GRIN2A: variants seen among roughly 807,000 people sequenced by gnomAD.
The protein encoded by GRIN2A is glutamate ionotropic receptor NMDA type subunit 2A.
GRIN2A carries 22 observed loss-of-function variants against 113.4 expected under a neutral mutation model. That is an observed-to-expected ratio of 0.19 (90% confidence interval 0.14 to 0.28). The LOEUF (loss-of-function observed/expected upper bound fraction) is 0.28, where lower values mean the gene tolerates loss of function less well. Among genes scored for constraint, GRIN2A ranks in the 10% least tolerant of loss-of-function variants. GRIN2A has a pLI of 1.00. For missense variants in GRIN2A, 1,502 were observed against 1,887.0 expected (o/e 0.80, Z 3.78); for synonymous variants, 827 against 738.4 (o/e 1.12, Z -1.94).
chr16:9,935,428 A>T (rs1244588837), intron 3 of GRIN2A, among the ~76,000 whole-genome samples: 1 of 151,744 alleles, frequency 6.6e-6, no homozygotes, highest in Non-Finnish European at 1.5e-5. Flanking sequence ...AGGACGGAGA[A>T]ATGTCAAAGG....
chr16:9,830,230 T>A (rs2042465615), intron 8 of GRIN2A, among the ~76,000 whole-genome samples: 1 of 152,238 alleles, frequency 6.6e-6, no homozygotes, highest in African/African-American at 2.4e-5. Flanking sequence ...TAGATCTTAA[T>A]TCTTCCAACA....
At chr16:9,901,550 C>A (rs2043924671) in intron 3 of GRIN2A, among the ~76,000 whole-genome samples, 1 of 152,156 alleles carries the variant, frequency 6.6e-6, no homozygotes, top group African/African-American at 2.4e-5. Flanking sequence ...AACTCCACAT[C>A]CCGGGTTCAA....
chr16:9,870,418 T>C (rs1481736398), intron 4 of GRIN2A, among the ~76,000 whole-genome samples: 3 of 152,098 alleles, frequency 2.0e-5, no homozygotes. Flanking sequence ...ATAGACACAC[T>C]GGAAGACACA....
chr16:9,786,429 A>G (rs555044339), intron 11 of GRIN2A, among the ~76,000 whole-genome samples: 1 of 152,254 alleles, frequency 6.6e-6, no homozygotes, highest in South Asian at 2.1e-4. Flanking sequence ...CTCCTTCACC[A>G]TGAACAATGG....
chr16:9,911,413 A>T (rs1266309347), intron 3 of GRIN2A, among the ~76,000 whole-genome samples: 1 of 152,228 alleles, frequency 6.6e-6, no homozygotes, highest in East Asian at 1.9e-4. Flanking sequence ...AGAAAACCTT[A>T]AATTTATATG....
chr16:10,038,610 G>A (rs1414282181), intron 2 of GRIN2A, among the ~76,000 whole-genome samples: 4 of 152,088 alleles, frequency 2.6e-5, no homozygotes, highest in South Asian at 2.1e-4. Context: ...TTGGGAGGCC[G>A]AGGCGGGCAG....
Position 9,763,343 on chromosome 16 carries a change from G to A in GRIN2A, c.4201C>T (p.Leu1401Phe), listed in dbSNP as rs2141125596. The A allele has an allele frequency of 2.5e-6, 4 of 1,614,156 alleles. No individual in the cohort carries two copies. The highest frequency in any genetic ancestry group is 3.4e-6 in the Non-Finnish European group (4 of 1,180,012). ...LPSQAVNDSYLRSSLRSTASY... is the reference protein window; with the variant it reads ...LPSQAVNDSYFRSSLRSTASY... ...GCCGTTGACCTCAAGGACGACCGAA[G>A]ATAGCTGTCATTCACCGCCTGGGAT... The change falls in exon 13 of 13, where the codon CTT (leucine) becomes TTT (phenylalanine). Residue 1401 changes from leucine (L) to phenylalanine (F), a missense_variant. Around this residue, in one of 7 missense-constraint regions of GRIN2A, gnomAD observed 832 missense variants for 789.7 expected, o/e 1.05. Coordinates refer to ENST00000330684, the MANE Select transcript of GRIN2A (RefSeq NM_001134407.3).
chr16:10,146,219 G>C (rs565023102), intron 2 of GRIN2A, among the ~76,000 whole-genome samples: 17 of 152,148 alleles, frequency 1.1e-4, no homozygotes, highest in African/African-American at 2.4e-5. Context: ...CCGGGTTCAA[G>C]CAATTCTCCT....
intron 2 of GRIN2A, among the ~76,000 whole-genome samples, chr16:9,984,269 T>G (rs1357600848): frequency 6.6e-6 from 1 of 152,166 alleles, no homozygotes; most frequent in Admixed American, 6.5e-5. Flanking sequence ...ATTCTGCATA[T>G]TAATCCCTTG....
intron 3 of GRIN2A, among the ~76,000 whole-genome samples, chr16:9,892,644 C>T (rs1214251978): frequency 6.6e-6 from 1 of 152,104 alleles, no homozygotes; most frequent in African/African-American, 2.4e-5. Context: ...AACATTTATA[C>T]CCTCATCACT....
At chr16:9,806,764 A>G (rs1433955328) in intron 10 of GRIN2A, among the ~76,000 whole-genome samples, 1 of 152,052 alleles carries the variant, frequency 6.6e-6, no homozygotes, top group Non-Finnish European at 1.5e-5. Context: ...AAACTAAGAG[A>G]AAAAAGGGGG....
intron 12 of GRIN2A, among the ~76,000 whole-genome samples, chr16:9,765,627 A>G (rs542095568): frequency 7.2e-5 from 11 of 152,286 alleles, no homozygotes; most frequent in Non-Finnish European, 1.3e-4. Flanking sequence ...GTGTGAGCCT[A>G]TCAGTGAAGC....
chr16:9,824,641 G>C (rs1445571465), intron 9 of GRIN2A, among the ~76,000 whole-genome samples: 7 of 152,106 alleles, frequency 4.6e-5, no homozygotes, highest in Admixed American at 2.0e-4. Context: ...CAAGCTCCAG[G>C]AACCTTTTCC....
rs777765784 is a variant in GRIN2A, at chr16:10,127,675, C to A, written c.414+52323G>T. On this transcript the variant is annotated intron_variant, in intron 2 of 12. Coordinates refer to ENST00000330684, the MANE Select transcript of GRIN2A (RefSeq NM_001134407.3). ...CTAGCAACTAGCACAGAGCCTGGCACCTAGCTCACAATCAATAAATATTTG... is the reference window on the plus strand; with the variant it reads ...CTAGCAACTAGCACAGAGCCTGGCAACTAGCTCACAATCAATAAATATTTG... Among the ~76,000 whole-genome samples the A allele has an allele frequency of 1.1e-4, 16 of 152,300 alleles. No homozygotes were observed. The South Asian group carries it at 3.3e-3, about 32-fold the overall frequency.
chr16:9,765,484 T>A (rs1269860610), intron 12 of GRIN2A, among the ~76,000 whole-genome samples: 1 of 151,992 alleles, frequency 6.6e-6, no homozygotes, highest in Non-Finnish European at 1.5e-5. Flanking sequence ...AATCAGAAAA[T>A]CTCTTCTCCA....
At chr16:10,015,185 G>A (rs1172400795) in intron 2 of GRIN2A, among the ~76,000 whole-genome samples, 8 of 143,604 alleles carry the variant, frequency 5.6e-5, no homozygotes, top group Admixed American at 4.4e-4. Flanking sequence ...ACCGGGAGGC[G>A]GAGGTCGCAG....
chr16:9,762,516 G>A lies in GRIN2A; in HGVS notation c.*633C>T, dbSNP rs1294840211. ...TTGGAAATGAACTATAATGAAGGTA[G>A]CACAGTCATCACGAACACACTGATT... On this transcript the variant is annotated 3_prime_UTR_variant, in exon 13 of 13. Coordinates refer to ENST00000330684, the MANE Select transcript of GRIN2A (RefSeq NM_001134407.3). 2 of 225,382 alleles carry A rather than the reference G, an allele frequency of 8.9e-6. No homozygotes were observed. Among genetic ancestry groups the A allele is most frequent in the Non-Finnish European group, 1.8e-5 (2 of 113,154 alleles). 14.0% of individuals were successfully genotyped at this position (225,382 alleles called of 1,614,324 possible).
intron 2 of GRIN2A, among the ~76,000 whole-genome samples, chr16:10,140,117 T>A (rs1433873736): frequency 6.6e-6 from 1 of 152,218 alleles, no homozygotes; most frequent in African/African-American, 2.4e-5. Context: ...TTTATTTGCT[T>A]TGGGCTGGAA....
At chr16:9,963,133 C>T (rs1339841773) in intron 2 of GRIN2A, among the ~76,000 whole-genome samples, 7 of 89,664 alleles carry the variant, frequency 7.8e-5, no homozygotes, top group Admixed American at 1.6e-4. Context: ...GGGTGGGGGG[C>T]GGGGAGGGAT....
Sources: allele counts gnomAD v4.1 joint callset (sites outside exome capture counted in the v4.1 genomes callset), GRCh38; gene constraint gnomAD v4.1.1; regional missense constraint gnomAD v4.1.1; transcripts MANE v1.5; gene names NCBI Gene and HGNC (gene_info 2026-07-23, HGNC 2026-07-21).